Variants in C17orf114 observed in about 807,000 individuals in gnomAD.
The protein encoded by C17orf114 is chromosome 17 open reading frame 114.
At chr17:4,801,952 AT>A (rs1905521354) in intron 1 of C17orf114, among the ~76,000 whole-genome samples, 1 of 152,004 alleles carries the variant, frequency 6.6e-6, no homozygotes, top group South Asian at 2.1e-4. Context: ...GATGGTCTCC[AT>A]CCCCTGACCT....
At chr17:4,801,510 C>A in intron 1 of C17orf114, 55 bp from the exon 2 acceptor site, 4 of 398,132 alleles carry the variant, frequency 1.0e-5, no homozygotes, top group Non-Finnish European at 8.8e-6. Context: ...TCCTCCCTCA[C>A]CCCCAACCCA....
At chr17:4,801,988 CA>C (rs1163137319) in intron 1 of C17orf114, among the ~76,000 whole-genome samples, 3 of 152,060 alleles carry the variant, frequency 2.0e-5, no homozygotes, top group African/African-American at 7.2e-5. Flanking sequence ...CTTGGCCTCC[CA>C]AAGTGCTAGG....
chr17:4,803,623 T>C (rs908745625), upstream of C17orf114, among the ~76,000 whole-genome samples: 3 of 151,630 alleles, frequency 2.0e-5, no homozygotes, highest in Middle Eastern at 3.4e-3. Flanking sequence ...AGATGGGGTT[T>C]CACCGTGTTA....
exon 2 of C17orf114, chr17:4,801,246 G>A (rs967336618): frequency 2.5e-6 from 1 of 398,574 alleles, no homozygotes; most frequent in Non-Finnish European, 4.4e-6. Flanking sequence ...GGGGAAGGAA[G>A]CTTGCTAAGC....
chr17:4,806,823 C>A (rs1905867794), upstream of C17orf114: 1 of 149,990 alleles, frequency 6.7e-6, no homozygotes. Context: ...CCGGGGCGGG[C>A]GCCGAGCCCG....
upstream of C17orf114, among the ~76,000 whole-genome samples, chr17:4,803,669 G>A (rs892328314): frequency 1.3e-5 from 2 of 150,868 alleles, no homozygotes; most frequent in Admixed American, 6.6e-5. Context: ...CTCGTGATCC[G>A]GCCACCTCGG....
exon 2 of C17orf114, chr17:4,801,391 C>T (rs1168818612): frequency 5.0e-6 from 2 of 398,808 alleles, no homozygotes; most frequent in Non-Finnish European, 8.8e-6. Flanking sequence ...GCGAGGGTAC[C>T]CCTCCCTCAG....
chr17:4,805,665 ACT>A (rs973235365), upstream of C17orf114, among the ~76,000 whole-genome samples: 2 of 115,160 alleles, frequency 1.7e-5, no homozygotes, highest in African/African-American at 3.4e-5. Flanking sequence ...CAAGAGCGAG[ACT>A]CTGGCCGGGC....
chr17:4,801,629 G>C (rs8068595), intron 1 of C17orf114, among the ~76,000 whole-genome samples, 174 bp from the exon 2 acceptor site: 26 of 152,266 alleles, frequency 1.7e-4, no homozygotes, highest in Non-Finnish European at 3.2e-4. Context: ...GAGCAAGCAG[G>C]ACTGGCTCGC....
intron 1 of C17orf114, among the ~76,000 whole-genome samples, chr17:4,801,767 G>C (rs1301459614): frequency 6.7e-6 from 1 of 149,794 alleles, no homozygotes; most frequent in Non-Finnish European, 1.5e-5. Flanking sequence ...GTCTCACTCT[G>C]TTGCCCAGGC....
chr17:4,803,220 C>G (rs1156819922), upstream of C17orf114, among the ~76,000 whole-genome samples: 1 of 150,512 alleles, frequency 6.6e-6, no homozygotes, highest in Non-Finnish European at 1.5e-5. Context: ...CACCCGGCCT[C>G]AAAGATCTTT....
upstream of C17orf114, among the ~76,000 whole-genome samples, chr17:4,805,795 CAA>C (rs936805397): frequency 6.6e-6 from 1 of 151,436 alleles, no homozygotes; most frequent in Non-Finnish European, 1.5e-5. Flanking sequence ...ACTAAAAATA[CAA>C]AAAAAATTAG....
chr17:4,802,302 T>C (rs1438994161), exon 1 of C17orf114: 1 of 399,480 alleles, frequency 2.5e-6, no homozygotes, highest in East Asian at 3.6e-5. Flanking sequence ...GGAAACACCA[T>C]GCCCCCTTCA....
chr17:4,806,312 A>G (rs574881411), upstream of C17orf114, among the ~76,000 whole-genome samples: 32 of 152,360 alleles, frequency 2.1e-4, 2 homozygotes, highest in South Asian at 2.5e-3. Context: ...ATGATCGAAC[A>G]ACTCCACTCC....
upstream of C17orf114, among the ~76,000 whole-genome samples, chr17:4,805,508 T>G (rs946307391): frequency 5.8e-5 from 8 of 138,852 alleles, no homozygotes; most frequent in African/African-American, 2.2e-4. Flanking sequence ...GCGGATCACT[T>G]GAGGTCTGGA....
chr17:4,803,442 T>G (rs1456537641), upstream of C17orf114, among the ~76,000 whole-genome samples: 2 of 111,182 alleles, frequency 1.8e-5, no homozygotes, highest in African/African-American at 7.8e-5. Context: ...TTTTTTTTTT[T>G]GAGACAGAGT....
upstream of C17orf114, among the ~76,000 whole-genome samples, chr17:4,804,490 C>T (rs951657400): frequency 2.0e-5 from 3 of 151,954 alleles, no homozygotes; most frequent in African/African-American, 7.2e-5. Context: ...AAGCGTGAGC[C>T]ACTGCGCCCA....
chr17:4,806,184 G>A (rs1905780801), upstream of C17orf114, among the ~76,000 whole-genome samples: 1 of 152,112 alleles, frequency 6.6e-6, no homozygotes, highest in Non-Finnish European at 1.5e-5. Flanking sequence ...AATATCCAAC[G>A]TTGGCCATGC....
At chr17:4,801,999 G>T (rs780771149) in intron 1 of C17orf114, among the ~76,000 whole-genome samples, 8 of 152,096 alleles carry the variant, frequency 5.3e-5, no homozygotes, top group African/African-American at 9.7e-5. Flanking sequence ...AAAGTGCTAG[G>T]ATTACAGGCA....
Sources: gnomAD v4.1 joint callset for allele counts (sites outside exome capture counted in the v4.1 genomes callset) on GRCh38, gnomAD v4.1.1 for gene constraint, MANE v1.5 for transcripts, NCBI Gene and HGNC (gene_info 2026-07-23, HGNC 2026-07-21) for gene names.